The following SPIDR variants were observed in gnomAD, a reference collection of about 807,000 sequenced individuals.
SPIDR encodes DNA repair-scaffolding protein.
SPIDR carries 93 observed loss-of-function variants against 104.6 expected under a neutral mutation model. That is an observed-to-expected ratio of 0.89 (90% CI 0.75 to 1.06). The LOEUF (loss-of-function observed/expected upper bound fraction) is 1.06. SPIDR is among the 50% of genes least tolerant of loss of function. The probability of loss-of-function intolerance (pLI) is 0.00; values close to 1 mark genes in which losing one functional copy is unlikely to be tolerated. For synonymous variants in SPIDR, 431 were observed against 416.9 expected, an observed-to-expected ratio of 1.03 and a Z score of -0.41; for missense variants, 1,154 against 1,111.2, an observed-to-expected ratio of 1.04 and a Z score of -0.55.
intron 11 of SPIDR, among the ~76,000 whole-genome samples, chr8:47,675,380 A>G (rs1470710686): frequency 6.6e-6 from 1 of 152,202 alleles, no homozygotes; most frequent in Non-Finnish European, 1.5e-5. Flanking sequence ...GTAAACAGGC[A>G]GCTATATTAT....
intron 5 of SPIDR, among the ~76,000 whole-genome samples, chr8:47,355,322 A>ATTT (rs5891238): frequency 2.2e-5 from 3 of 135,456 alleles, no homozygotes; most frequent in Non-Finnish European, 3.1e-5. Flanking sequence ...GGAATGTGTG[A>ATTT]TTTTTTTTTT....
rs149901647 is a variant in SPIDR, at chr8:47,351,042, G to A, written c.526-45334G>A. ...GATGCTCCTGCCTGTTAGTCTCTTCGTAGCTGGTCTGTTATCAGATTGACT... is the reference window on the plus strand; with the variant it reads ...GATGCTCCTGCCTGTTAGTCTCTTCATAGCTGGTCTGTTATCAGATTGACT... On this transcript the variant is annotated intron_variant, in intron 5 of 19. Transcript: ENST00000297423. Among the ~76,000 whole-genome samples, 7 of 152,226 alleles carry A rather than the reference G, an allele frequency of 4.6e-5. No individual in the cohort carries two copies. In the South Asian group the frequency reaches 6.2e-4, roughly 14 times the overall value.
At chr8:47,729,141 G>T in intron 18 of SPIDR, 94 bp downstream of exon 18, 1 of 1,548,628 alleles carries the variant, frequency 6.5e-7, no homozygotes. Flanking sequence ...CCTCCTGTAC[G>T]CCTGCAGAGG....
At chr8:47,502,009 C>G (rs374251292) in intron 8 of SPIDR, among the ~76,000 whole-genome samples, 12 of 151,968 alleles carry the variant, frequency 7.9e-5, no homozygotes, top group Admixed American at 2.0e-4. Context: ...TGATCATGGT[C>G]GATAAGTTTT....
chr8:47,578,542 A>T (rs1019397424), intron 8 of SPIDR, among the ~76,000 whole-genome samples: 16 of 152,162 alleles, frequency 1.1e-4, no homozygotes, highest in African/African-American at 3.9e-4. Flanking sequence ...ATGTATGGAA[A>T]CTCAGCCATA....
chr8:47,592,349 T>G, intron 8 of SPIDR: 1 of 1,206,434 alleles, frequency 8.3e-7, no homozygotes. Context: ...TCGAAACATA[T>G]TCTTCCCAAC....
Position 47,545,100 on chromosome 8 carries a change from TTTCTTTCTTTCTTTCTTTC to T in SPIDR, c.1098-50708_1098-50690del, listed in dbSNP as rs1471151976. Among the ~76,000 whole-genome samples, 407 of 139,362 alleles carry T rather than the reference TTTCTTTCTTTCTTTCTTTC, an allele frequency of 2.9e-3. 3 individuals carry two copies. The highest frequency in any genetic ancestry group is 9.7e-3 in the African/African-American group (366 of 37,676). The allele number at this position is 139,362 out of a possible 152,430, so 91.4% of individuals were successfully genotyped here. ...CTTTCTTTCTTTCTTTCTTTCTTTC[TTTCTTTCTTTCTTTCTTTC>T]TTTTTTTTTTTTTTTTGTTGAAACG... On this transcript the variant is annotated intron_variant, in intron 8 of 19. Transcript: ENST00000297423.
intron 10 of SPIDR, among the ~76,000 whole-genome samples, chr8:47,657,410 G>C (rs1490647962): frequency 6.6e-6 from 1 of 152,088 alleles, no homozygotes; most frequent in Non-Finnish European, 1.5e-5. Context: ...CATGAGGGTT[G>C]GGAGATGGAA....
intron 5 of SPIDR, among the ~76,000 whole-genome samples, chr8:47,309,367 TA>T (rs1301521024): frequency 2.6e-5 from 4 of 152,238 alleles, no homozygotes; most frequent in African/African-American, 9.6e-5. Flanking sequence ...ACTCATGTAT[TA>T]TATACTGTAT....
chr8:47,614,903 G>T (rs980564316), intron 10 of SPIDR, among the ~76,000 whole-genome samples: 3 of 152,148 alleles, frequency 2.0e-5, no homozygotes, highest in African/African-American at 7.2e-5. Flanking sequence ...TGACTGACAT[G>T]AGATGGTATC....
chr8:47,418,232 A>G (rs886370574), intron 7 of SPIDR, among the ~76,000 whole-genome samples: 7 of 152,128 alleles, frequency 4.6e-5, no homozygotes, highest in Non-Finnish European at 7.4e-5. Flanking sequence ...CATTTTCCCA[A>G]TATTGATTCT....
chr8:47,665,775 T>C (rs185324497), intron 10 of SPIDR, among the ~76,000 whole-genome samples: 155 of 152,340 alleles, frequency 1.0e-3, no homozygotes, highest in African/African-American at 3.6e-3. Flanking sequence ...AAATATCATA[T>C]TATCAAGGAG....
intron 8 of SPIDR, among the ~76,000 whole-genome samples, chr8:47,493,539 T>G (rs771582159): frequency 3.3e-5 from 5 of 152,214 alleles, no homozygotes; most frequent in Non-Finnish European, 5.9e-5. Context: ...AAAGCCTACT[T>G]ATTTTTCAGT....
At chr8:47,682,685 A>T (rs1007350953) in intron 11 of SPIDR, among the ~76,000 whole-genome samples, 4 of 152,234 alleles carry the variant, frequency 2.6e-5, no homozygotes, top group African/African-American at 9.6e-5. Context: ...ATAGTTTCTC[A>T]ATGGAACTTC....
At chr8:47,346,326 T>TGG (rs1404532084) in intron 5 of SPIDR, among the ~76,000 whole-genome samples, 1 of 152,224 alleles carries the variant, frequency 6.6e-6, no homozygotes, top group African/African-American at 2.4e-5. Context: ...GCCGACTTGT[T>TGG]CGTGGTGGAT....
intron 10 of SPIDR, among the ~76,000 whole-genome samples, chr8:47,645,357 G>A (rs776257952): frequency 2.0e-4 from 31 of 152,174 alleles, no homozygotes; most frequent in Admixed American, 5.9e-4. Flanking sequence ...AAGGATGACT[G>A]TGAGGTTGTT....
chr8:47,466,708 A>C (rs1201253812), intron 8 of SPIDR, among the ~76,000 whole-genome samples: 1 of 148,430 alleles, frequency 6.7e-6, no homozygotes, highest in Non-Finnish European at 1.5e-5. Context: ...GAAAAATACA[A>C]AAAAAAAAAA....
intron 7 of SPIDR, among the ~76,000 whole-genome samples, chr8:47,428,361 G>T (rs962450817): frequency 6.6e-6 from 1 of 152,182 alleles, no homozygotes; most frequent in Admixed American, 6.5e-5. Context: ...CCTAACTTGG[G>T]GTAGAAAATG....
At chr8:47,492,893 T>G (rs1226055940) in intron 8 of SPIDR, among the ~76,000 whole-genome samples, 1 of 152,200 alleles carries the variant, frequency 6.6e-6, no homozygotes, top group East Asian at 1.9e-4. Context: ...TCCTGGTATT[T>G]CCACCCTCAT....
Sources: allele counts gnomAD v4.1 joint callset (sites outside exome capture counted in the v4.1 genomes callset), GRCh38; gene constraint gnomAD v4.1.1; transcripts MANE v1.5; gene names NCBI Gene and HGNC (gene_info 2026-07-23, HGNC 2026-07-21).